The following CEMIP variants were observed in gnomAD, a reference collection of about 807,000 sequenced individuals.
The protein encoded by CEMIP is cell migration-inducing and hyaluronan-binding protein.
Under a neutral mutation model 156.9 loss-of-function variants are expected in CEMIP, and 105 were observed. The ratio of observed to expected loss-of-function variants is 0.67; its 90% confidence interval spans 0.57 to 0.79. The LOEUF (loss-of-function observed/expected upper bound fraction) is 0.79, where lower values mean the gene tolerates loss of function less well. CEMIP is among the 30% of genes least tolerant of loss of function. The probability of loss-of-function intolerance (pLI) is 0.00; values close to 1 mark genes in which losing one functional copy is unlikely to be tolerated. For synonymous variants in CEMIP, 676 were observed against 668.4 expected (o/e 1.01, Z -0.17); for missense variants, 1,457 against 1,769.4 (o/e 0.82, Z 3.17).
At position 80,925,650 on chromosome 15, in the gene CEMIP, C is replaced by G; in HGVS notation, c.2315C>G (p.Pro772Arg). ...TACAGCCCTCACCAGGACGCCGACCCGCTGAAGCCCCGGGAGCCGGCCATC... is the reference window on the plus strand; with the variant it reads ...TACAGCCCTCACCAGGACGCCGACCGGCTGAAGCCCCGGGAGCCGGCCATC... ...ARYSPHQDADPLKPREPAIIR... is the reference protein window; with the variant it reads ...ARYSPHQDADRLKPREPAIIR... Residue 772 changes from proline to arginine, a missense_variant, in exon 19 of 30, where the codon CCG (proline) becomes CGG (arginine). Pro to Arg is a moderately radical substitution (Grantham distance 103, BLOSUM62 -2). Transcript: ENST00000394685. 1 of 1,613,428 alleles carries G rather than the reference C, an allele frequency of 6.2e-7. No individual in the cohort carries two copies. Among genetic ancestry groups the G allele is most frequent in the Non-Finnish European group, 8.5e-7 (1 of 1,179,944 alleles).
chr15:80,895,859 T>G lies in CEMIP; in HGVS notation c.1220-10T>G, dbSNP rs762009144. 1.9e-4 allele frequency: 307 copies of G among 1,614,038 alleles called. No homozygotes were observed. Among genetic ancestry groups the G allele is most frequent in the Non-Finnish European group, 2.2e-4 (259 of 1,179,908 alleles). ...GGCTCTATCTCAGTCTTTCCTGTTT[T>G]GGGTTACAGTGAGGCCCAAACTCAC... On this transcript the variant is annotated splice_polypyrimidine_tract_variant and intron_variant, in intron 11 of 29. Transcript: ENST00000394685.
At chr15:80,939,324 C>T (rs1356581951) in intron 25 of CEMIP, among the ~76,000 whole-genome samples, 1 of 152,196 alleles carries the variant, frequency 6.6e-6, no homozygotes, top group Non-Finnish European at 1.5e-5. Context: ...ATATGAGACA[C>T]TCTCTTCCCA....
chr15:80,884,114 A>C, intron 6 of CEMIP, 61 bp from the exon 7 acceptor site: 59 of 1,511,568 alleles, frequency 3.9e-5, no homozygotes, highest in Non-Finnish European at 5.1e-5. Flanking sequence ...GCATGTGCTT[A>C]GAGCTCTTTG....
intron 19 of CEMIP, among the ~76,000 whole-genome samples, chr15:80,927,681 T>G (rs1900748716): frequency 6.6e-6 from 1 of 151,988 alleles, no homozygotes; most frequent in Non-Finnish European, 1.5e-5. Flanking sequence ...TGGTCCTACG[T>G]GTGGACAAGG....
intron 19 of CEMIP, among the ~76,000 whole-genome samples, chr15:80,926,923 TG>T: frequency 6.6e-6 from 1 of 150,554 alleles, no homozygotes; most frequent in South Asian, 2.1e-4. Context: ...CTCTGCTTCC[TG>T]GGTTCAAGCA....
At chr15:80,921,988 C>T in intron 16 of CEMIP, 21 bp from the exon 17 acceptor site, 2 of 1,613,994 alleles carry the variant, frequency 1.2e-6, no homozygotes, top group Non-Finnish European at 1.7e-6. Flanking sequence ...GTGGCTTTTC[C>T]CTTGTGTCCT....
At chr15:80,948,428 G>C (rs1214502344) in intron 29 of CEMIP, 1 of 352,536 alleles carries the variant, frequency 2.8e-6, no homozygotes, top group Non-Finnish European at 5.6e-6. Context: ...TGGGAACACT[G>C]GGCTTCAGAG....
At chr15:80,792,116 A>G (rs757221577) in intron 1 of CEMIP, among the ~76,000 whole-genome samples, 14 of 152,214 alleles carry the variant, frequency 9.2e-5, no homozygotes, top group Non-Finnish European at 1.6e-4. Context: ...AAATCTGAGT[A>G]TGCCCACCAA....
In CEMIP at chr15:80,942,322, C is replaced by G; in HGVS notation, c.3684C>G (p.Asp1228Glu). ...AGCACTTCTTCCACCTCTGGAACGA[C>G]TTCGCTTACATTGAAGTAAGTGCCT... ...SKQHFFHLWNDFAYIEVDGKK... is the reference protein window; with the variant it reads ...SKQHFFHLWNEFAYIEVDGKK... The change falls in exon 27 of 30, where the codon GAC (aspartate) becomes GAG (glutamate). Residue 1228 changes from aspartate (D) to glutamate (E), a missense_variant. Physicochemically the swap from Asp to Glu is conservative, Grantham distance 45. Around this residue, in one of 5 missense-constraint regions of CEMIP, gnomAD observed 798 missense variants for 980.1 expected, o/e 0.81. Transcript: ENST00000394685. 1 of 1,614,046 alleles carries G rather than the reference C, an allele frequency of 6.2e-7. No individual in the cohort carries two copies. Among genetic ancestry groups the G allele is most frequent in the Non-Finnish European group, 8.5e-7 (1 of 1,179,860 alleles).
chr15:80,898,147 T>C (rs1028748153), intron 12 of CEMIP, among the ~76,000 whole-genome samples: 1 of 152,192 alleles, frequency 6.6e-6, no homozygotes, highest in African/African-American at 2.4e-5. Context: ...CATTTTTGGT[T>C]TGGGTTTTGT....
chr15:80,842,033 A>C lies in CEMIP; in HGVS notation c.-175-31505A>C, dbSNP rs1043198021. 8.0e-6 allele frequency: 4 copies of C among 501,434 alleles called. No homozygotes were observed. The African/African-American group carries it at 8.1e-5, about 10-fold the overall frequency. 31.1% of individuals were successfully genotyped at this position (501,434 alleles called of 1,614,324 possible). A position where few individuals can be genotyped will look rare whatever the true frequency, so the allele number is the denominator to read the frequency against. ...TTGTCACTGATTTGAGACAGTGACA[A>C]CTATGGATGAGCTCTCAATATATTC... On this transcript the variant is annotated intron_variant, in intron 1 of 29. Coordinates refer to ENST00000394685, the MANE Select transcript of CEMIP (RefSeq NM_001293298.2).
chr15:80,936,823 C>T lies in CEMIP; in HGVS notation c.3159C>T (p.Tyr1053=). ...CGGTTGTCACCCTGCAGAAGGGCTACACCATCCACTGGGACCAGACGGCCC... is the reference window on the plus strand; with the variant it reads ...CGGTTGTCACCCTGCAGAAGGGCTATACCATCCACTGGGACCAGACGGCCC... ...YQPVVTLQKG[Y]TIHWDQTAPA... Residue 1053 remains tyrosine, a synonymous_variant, in exon 24 of 30, where the codon TAC becomes TAT. Transcript: ENST00000394685. The T allele has an allele frequency of 6.2e-7, 1 of 1,614,140 alleles. No individual in the cohort carries two copies. Among genetic ancestry groups the T allele is most frequent in the Non-Finnish European group, 8.5e-7 (1 of 1,180,054 alleles).
chr15:80,914,916 T>C lies in CEMIP; in HGVS notation c.1798-5178T>C, dbSNP rs375925718. ...GGGTTTTTAAGGACAATTCGATGGT[T>C]AGGGGGTCGGAAAGGGGGAGTGCTG... is the stretch of plus-strand genomic sequence containing the variant. On this transcript the variant is annotated intron_variant, in intron 14 of 29. Transcript: ENST00000394685. Among the ~76,000 whole-genome samples, 43 of 151,152 alleles carry C rather than the reference T, an allele frequency of 2.8e-4. No individual in the cohort carries two copies. The East Asian group carries it at 7.5e-3, about 26-fold the overall frequency.
rs141961118 is a variant in CEMIP at position 80,854,614 on chromosome 15, A to C, written c.-175-18924A>C. Among the ~76,000 whole-genome samples the C allele has an allele frequency of 6.0e-3, 913 of 152,334 alleles. 4 individuals are homozygous for C. Among genetic ancestry groups the C allele is most frequent in the Middle Eastern group, 0.014 (4 of 294 alleles). On this transcript the variant is annotated intron_variant, in intron 1 of 29. Transcript: ENST00000394685. ...AACAATGGAAAACAACTTTTATGTA[A>C]GAGAGTTAACTGCAAACCGGGTGCT...
At chr15:80,907,610 C>G (rs1899863967) in intron 13 of CEMIP, among the ~76,000 whole-genome samples, 1 of 152,124 alleles carries the variant, frequency 6.6e-6, no homozygotes, top group South Asian at 2.1e-4. Context: ...TTAAATTTAC[C>G]TGTGAGTTTC....
At chr15:80,868,460 C>T (rs1898189033) in intron 1 of CEMIP, among the ~76,000 whole-genome samples, 1 of 152,148 alleles carries the variant, frequency 6.6e-6, no homozygotes, top group Non-Finnish European at 1.5e-5. Context: ...GGCAGCACCT[C>T]AGCCCCCACC....
intron 1 of CEMIP, among the ~76,000 whole-genome samples, chr15:80,873,081 G>A (rs1340862604): frequency 6.6e-6 from 1 of 152,182 alleles, no homozygotes; most frequent in Non-Finnish European, 1.5e-5. Context: ...GAATTTCCTG[G>A]AATTCAAACA....
chr15:80,923,250 T>C (rs896375165), intron 17 of CEMIP, among the ~76,000 whole-genome samples: 14 of 152,052 alleles, frequency 9.2e-5, no homozygotes, highest in African/African-American at 3.4e-4. Flanking sequence ...AAGACAACAG[T>C]CTCATCTTGA....
At chr15:80,819,321 A>G (rs1896859011) in intron 1 of CEMIP, among the ~76,000 whole-genome samples, 3 of 152,168 alleles carry the variant, frequency 2.0e-5, no homozygotes, top group Non-Finnish European at 4.4e-5. Context: ...CAGTCTCATG[A>G]GACAGGAAGT....
Sources: allele counts gnomAD v4.1 joint callset (sites outside exome capture counted in the v4.1 genomes callset), GRCh38; gene constraint gnomAD v4.1.1; regional missense constraint gnomAD v4.1.1; transcripts MANE v1.5; gene names NCBI Gene and HGNC (gene_info 2026-07-23, HGNC 2026-07-21).